Variants in PLEKHH1 observed in about 807,000 individuals in gnomAD.
PLEKHH1 encodes pleckstrin homology, MyTH4 and FERM domain containing H1.
Under a neutral mutation model 160.0 loss-of-function variants are expected in PLEKHH1, and 104 were observed. The observed-to-expected ratio is 0.65, with a 90% CI of 0.55 to 0.76. PLEKHH1 has a LOEUF of 0.76. Among genes scored for constraint, PLEKHH1 ranks in the 30% least tolerant of loss-of-function variants. PLEKHH1 has a pLI of 0.00. For missense variants in PLEKHH1, 1,427 were observed against 1,724.1 expected (o/e 0.83, Z 3.05); for synonymous variants, 619 against 678.4 (o/e 0.91, Z 1.36).
chr14:67,586,266 G>C (rs749269), intron 28 of PLEKHH1, 169 bp downstream of exon 28: 4 of 1,084,650 alleles, frequency 3.7e-6, no homozygotes, highest in African/African-American at 3.1e-5. Flanking sequence ...TTGCATCTCC[G>C]TATCAATGTT....
At chr14:67,586,454 A>C in intron 28 of PLEKHH1, 1 of 1,292,460 alleles carries the variant, frequency 7.7e-7, no homozygotes, top group Non-Finnish European at 1.0e-6. Flanking sequence ...ATTCCTCTTT[A>C]AGGTGCTCGC....
chr14:67,573,443 CTA>C lies in PLEKHH1; in HGVS notation c.1839+59_1839+60del. ...AAAGGTCTCCACATCACACCCTGGA[CTA>C]TGTCAGATGGGACGGAGGAGGGGGA... is the stretch of plus-strand genomic sequence containing the variant. On this transcript the variant is annotated intron_variant, in intron 12 of 28. Coordinates refer to ENST00000329153, the MANE Select transcript of PLEKHH1 (RefSeq NM_020715.3). This position sits in a 1 kb window ranked among gnomAD's most constrained non-coding sequence, Gnocchi z 4.8. The C allele has an allele frequency of 9.1e-7, 1 of 1,099,326 alleles. No homozygotes were observed. The highest frequency in any genetic ancestry group is 1.4e-6 in the Non-Finnish European group (1 of 716,132). The allele number at this position is 1,099,326 out of a possible 1,614,324, so 68.1% of individuals were successfully genotyped here.
intron 2 of PLEKHH1, among the ~76,000 whole-genome samples, chr14:67,553,083 CT>C (rs563850446): frequency 4.1e-4 from 63 of 152,342 alleles, no homozygotes; most frequent in South Asian, 1.0e-3. Flanking sequence ...TTATCCTTTA[CT>C]CCACCTTGGT....
chr14:67,534,422 A>G (rs1655489784), intron 1 of PLEKHH1, among the ~76,000 whole-genome samples: 1 of 152,152 alleles, frequency 6.6e-6, no homozygotes, highest in Admixed American at 6.5e-5. Context: ...CTACAAATAA[A>G]TAAAAATTTA....
At chr14:67,586,168 T>A (rs764015153) in intron 28 of PLEKHH1, 71 bp downstream of exon 28, 1 of 1,541,964 alleles carries the variant, frequency 6.5e-7, no homozygotes, top group Non-Finnish European at 8.9e-7. Flanking sequence ...GAAAGGAAAC[T>A]GGGGTTATGC....
intron 5 of PLEKHH1, among the ~76,000 whole-genome samples, chr14:67,560,576 A>C (rs1324749378): frequency 6.6e-6 from 1 of 151,994 alleles, no homozygotes; most frequent in Non-Finnish European, 1.5e-5. Context: ...TTCCCTCTCT[A>C]TCTATCCATT....
chr14:67,540,985 T>C (rs2033943384), intron 1 of PLEKHH1, among the ~76,000 whole-genome samples: 1 of 152,216 alleles, frequency 6.6e-6, no homozygotes. Context: ...TCTGAATTTG[T>C]ACAAATTTTT....
intron 9 of PLEKHH1, 124 bp downstream of exon 9, chr14:67,570,136 G>A: frequency 2.7e-6 from 2 of 753,044 alleles, no homozygotes; most frequent in Non-Finnish European, 4.4e-6. Flanking sequence ...CCAGGGAGCT[G>A]AGCCCAGCAC....
Position 67,573,913 on chromosome 14 carries a change from T to C in PLEKHH1, c.1926+26T>C. On this transcript the variant is annotated intron_variant, in intron 13 of 28. Transcript: ENST00000329153. This position sits in a 1 kb window ranked among gnomAD's most constrained non-coding sequence, Gnocchi z 4.8. ...GTGAGCACGCTCCTGGCTGCTAGTA[T>C]TTTAAACAGAAGAGGTGCTGGGTTT... The C allele has an allele frequency of 6.5e-7, 1 of 1,548,588 alleles. No homozygotes were observed. Among genetic ancestry groups the C allele is most frequent in the Non-Finnish European group, 8.9e-7 (1 of 1,120,062 alleles).
At position 67,562,438 on chromosome 14, in the gene PLEKHH1, C is replaced by T; in HGVS notation, c.807C>T (p.Cys269=). 6.2e-7 allele frequency: 1 copy of T among 1,613,714 alleles called. No individual in the cohort carries two copies. The highest frequency in any genetic ancestry group is 2.2e-5 in the East Asian group (1 of 44,886). The change falls in exon 7 of 29, where the codon TGC becomes TGT. Residue 269 remains cysteine, a synonymous_variant. Coordinates refer to ENST00000329153, the MANE Select transcript of PLEKHH1 (RefSeq NM_020715.3). ...GAGAGAGCCCTCCCCACCAGCCATG[C>T]ATGAAGCTTCTTACCTTCAGATGTA... ...LGRESPPHQP[C]MKLLTFRCSS...
At position 67,587,466 on chromosome 14, in the gene PLEKHH1, A is replaced by T. The variant is rs558559469; in HGVS notation, c.*231A>T. On this transcript the variant is annotated 3_prime_UTR_variant, in exon 29 of 29. Coordinates refer to ENST00000329153, the MANE Select transcript of PLEKHH1 (RefSeq NM_020715.3). The stretch of plus-strand genomic sequence containing the variant: ...GTTAAAACCATTTATTCCTTTTTTC[A>T]TAAGAATAATGACTCCAGATGCTAC... 10 of 565,474 alleles carry T rather than the reference A, an allele frequency of 1.8e-5. No homozygotes were observed. The East Asian group carries it at 3.1e-4, about 17-fold the overall frequency. 35.0% of individuals were successfully genotyped at this position (565,474 alleles called of 1,614,324 possible). A position where few individuals can be genotyped will look rare whatever the true frequency, so the allele number is the denominator to read the frequency against.
chr14:67,554,632 G>T (rs1054869619), intron 2 of PLEKHH1, among the ~76,000 whole-genome samples: 2 of 152,204 alleles, frequency 1.3e-5, no homozygotes, highest in African/African-American at 4.8e-5. Context: ...GTCCAATTGG[G>T]CAGCACACGG....
chr14:67,537,071 C>T (rs1045935954), intron 1 of PLEKHH1, among the ~76,000 whole-genome samples: 2 of 143,500 alleles, frequency 1.4e-5, no homozygotes, highest in Admixed American at 1.4e-4. Flanking sequence ...AAAACTTAAT[C>T]TTAGGCTGGG....
Position 67,582,328 on chromosome 14 carries a change from T to C in PLEKHH1, c.3426+118T>C, listed in dbSNP as rs2035940726. 6.5e-7 allele frequency: 1 copy of C among 1,534,246 alleles called. No individual in the cohort carries two copies. Among genetic ancestry groups the C allele is most frequent in the Admixed American group, 1.9e-5 (1 of 52,608 alleles). ...CTGTGGTGCTCAGGAGAGGGCAGCT[T>C]TGCCATCTCTGGGATGGAAAGCAGC... is the stretch of plus-strand genomic sequence containing the variant. On this transcript the variant is annotated intron_variant, in intron 24 of 28. Coordinates refer to ENST00000329153, the MANE Select transcript of PLEKHH1 (RefSeq NM_020715.3). This position sits in a 1 kb window ranked among gnomAD's most constrained non-coding sequence, Gnocchi z 5.0.
At chr14:67,554,047 A>G (rs1313276801) in intron 2 of PLEKHH1, among the ~76,000 whole-genome samples, 1 of 152,158 alleles carries the variant, frequency 6.6e-6, no homozygotes, top group Non-Finnish European at 1.5e-5. Context: ...GGATCTTCGG[A>G]TGAGCATAAC....
chr14:67,570,266 C>T, intron 9 of PLEKHH1: 1 of 920,774 alleles, frequency 1.1e-6, no homozygotes, highest in Non-Finnish European at 1.3e-6. Flanking sequence ...TTACAGCTCT[C>T]CCCACCTTTT....
chr14:67,557,196 A>C, intron 3 of PLEKHH1, 73 bp from the exon 4 acceptor site: 1 of 1,320,710 alleles, frequency 7.6e-7, no homozygotes, highest in South Asian at 1.3e-5. Flanking sequence ...ACGGTGTCCC[A>C]TCCCACGTTA....
intron 2 of PLEKHH1, among the ~76,000 whole-genome samples, chr14:67,542,651 A>C (rs1458053536): frequency 6.6e-6 from 1 of 152,178 alleles, no homozygotes; most frequent in South Asian, 2.1e-4. Flanking sequence ...CACCTTTCCT[A>C]ATGTTTCTGT....
chr14:67,572,350 A>T, intron 11 of PLEKHH1, 73 bp downstream of exon 11: 1 of 1,366,722 alleles, frequency 7.3e-7, no homozygotes, highest in East Asian at 2.7e-5. Flanking sequence ...TCAGCACAAG[A>T]CATAGGCAGT....
Sources: allele counts gnomAD v4.1 joint callset (sites outside exome capture counted in the v4.1 genomes callset), GRCh38; gene constraint gnomAD v4.1.1; non-coding constraint Gnocchi (gnomAD v3.1); transcripts MANE v1.5; gene names NCBI Gene and HGNC (gene_info 2026-07-23, HGNC 2026-07-21).